The following NTNG1 variants were observed in gnomAD, a reference collection of about 807,000 sequenced individuals.
The protein encoded by NTNG1 is netrin G1, also known as netrin-G1.
NTNG1 carries 16 observed loss-of-function variants against 54.0 expected under a neutral mutation model. The ratio of observed to expected loss-of-function variants is 0.30; its 90% CI spans 0.20 to 0.45. The LOEUF (loss-of-function observed/expected upper bound fraction) is 0.45, where lower values mean the gene tolerates loss of function less well. Among genes scored for constraint, NTNG1 ranks in the 20% least tolerant of loss-of-function variants. The probability of loss-of-function intolerance (pLI) is 1.00; values close to 1 mark genes in which losing one functional copy is unlikely to be tolerated. For missense variants in NTNG1, 530 were observed against 678.7 expected (o/e 0.78, Z 2.43); for synonymous variants, 255 against 263.1 (o/e 0.97, Z 0.30).
At chr1:107,244,862 G>A (rs959120455) in intron 2 of NTNG1, among the ~76,000 whole-genome samples, 5 of 152,172 alleles carry the variant, frequency 3.3e-5, no homozygotes, top group African/African-American at 1.2e-4. Flanking sequence ...TGTCACTTTG[G>A]AGCCTGATAG....
At position 107,325,437 on chromosome 1, in the gene NTNG1, C is replaced by A. The variant is rs558187781; in HGVS notation, c.887+515C>A. ...AGGAAACATTTGTTAAATTGGGACA[C>A]GCTCTACTTTTCATGTTTTTGGATG... On this transcript the variant is annotated intron_variant, in intron 3 of 7. Transcript: ENST00000370068. Among the ~76,000 whole-genome samples, 4 of 152,160 alleles carry A rather than the reference C, an allele frequency of 2.6e-5. No homozygotes were observed. In the South Asian group the frequency reaches 8.3e-4, roughly 32 times the overall value.
At chr1:107,386,070 T>TACAC (rs1272598239) in intron 3 of NTNG1, among the ~76,000 whole-genome samples, 249 of 147,836 alleles carry the variant, frequency 1.7e-3, no homozygotes, top group African/African-American at 5.8e-3. Flanking sequence ...AAACTGTATA[T>TACAC]ATACATATAT....
At chr1:107,446,463 A>G (rs552894156) in intron 7 of NTNG1, among the ~76,000 whole-genome samples, 23 of 152,226 alleles carry the variant, frequency 1.5e-4, no homozygotes, top group African/African-American at 5.3e-4. Flanking sequence ...AAAAAGCTCT[A>G]TTTAGAGACA....
At chr1:107,471,674 T>A (rs904230184) in intron 7 of NTNG1, among the ~76,000 whole-genome samples, 2 of 152,240 alleles carry the variant, frequency 1.3e-5, no homozygotes, top group Admixed American at 6.5e-5. Flanking sequence ...ATGCAGTAGT[T>A]GAATACAAAT....
intron 7 of NTNG1, among the ~76,000 whole-genome samples, chr1:107,462,583 A>T (rs972967745): frequency 6.6e-6 from 1 of 152,236 alleles, no homozygotes; most frequent in African/African-American, 2.4e-5. Context: ...ACCAAATGTG[A>T]TACATTTAAT....
intron 2 of NTNG1, among the ~76,000 whole-genome samples, chr1:107,237,019 G>T (rs1430231684): frequency 1.3e-5 from 2 of 152,178 alleles, no homozygotes; most frequent in African/African-American, 2.4e-5. Flanking sequence ...AACAGGCAGA[G>T]ATTGGAACAG....
At chr1:107,479,260 C>G (rs1269949516) in intron 7 of NTNG1, among the ~76,000 whole-genome samples, 1 of 152,194 alleles carries the variant, frequency 6.6e-6, no homozygotes, top group Admixed American at 6.5e-5. Context: ...CATTGACACA[C>G]AAAGCACTGG....
intron 3 of NTNG1, among the ~76,000 whole-genome samples, chr1:107,340,121 A>G (rs1668814879): frequency 6.6e-6 from 1 of 152,070 alleles, no homozygotes; most frequent in Non-Finnish European, 1.5e-5. Flanking sequence ...ATGTTATCTT[A>G]AACTAAATGA....
chr1:107,405,406 C>T (rs538301356), intron 4 of NTNG1, among the ~76,000 whole-genome samples: 19 of 152,180 alleles, frequency 1.2e-4, no homozygotes, highest in Middle Eastern at 6.8e-3. Context: ...TGAGGAACAG[C>T]CTGAATTTTA....
chr1:107,464,108 T>A (rs750636639), intron 7 of NTNG1, among the ~76,000 whole-genome samples: 17 of 152,158 alleles, frequency 1.1e-4, no homozygotes, highest in Non-Finnish European at 2.2e-4. Flanking sequence ...CCCCTTTAGT[T>A]AACATAAATA....
chr1:107,382,268 A>T (rs1003815729), intron 3 of NTNG1, among the ~76,000 whole-genome samples: 2 of 152,112 alleles, frequency 1.3e-5, no homozygotes, highest in Non-Finnish European at 2.9e-5. Flanking sequence ...AGCCAATGTG[A>T]GACATTTTTC....
chr1:107,386,139 A>G (rs964858486), intron 3 of NTNG1, among the ~76,000 whole-genome samples: 3 of 101,948 alleles, frequency 2.9e-5, no homozygotes, highest in South Asian at 3.6e-4. Flanking sequence ...ATGTATATAT[A>G]TATATGTGTG....
Position 107,419,963 on chromosome 1 carries a change from A to T in NTNG1, c.1088-10787A>T, listed in dbSNP as rs1049675884. ...AATACAGATCAAGCTTGCCCCTATT[A>T]GTATAATTCTAGGAGGATTCAGAAG... is the stretch of plus-strand genomic sequence containing the variant. On this transcript the variant is annotated intron_variant, in intron 5 of 7. Coordinates refer to ENST00000370068, the MANE Select transcript of NTNG1 (RefSeq NM_001113226.3). Among the ~76,000 whole-genome samples, 4 of 152,062 alleles carry T rather than the reference A, an allele frequency of 2.6e-5. No homozygotes were observed. The South Asian group carries it at 8.3e-4, about 32-fold the overall frequency.
chr1:107,194,464 A>T (rs1447066844), intron 2 of NTNG1, among the ~76,000 whole-genome samples: 1 of 152,034 alleles, frequency 6.6e-6, no homozygotes, highest in Non-Finnish European at 1.5e-5. Flanking sequence ...CACAGAGGTG[A>T]ATACTTTGAT....
At chr1:107,336,638 A>G (rs1247344730) in intron 3 of NTNG1, among the ~76,000 whole-genome samples, 1 of 152,026 alleles carries the variant, frequency 6.6e-6, no homozygotes. Context: ...CGTCATCAAA[A>G]TTAACAACTT....
At chr1:107,352,269 T>C (rs1178714300) in intron 3 of NTNG1, among the ~76,000 whole-genome samples, 2 of 152,198 alleles carry the variant, frequency 1.3e-5, no homozygotes, top group Non-Finnish European at 2.9e-5. Context: ...ATTTCCCCTC[T>C]GCACTACCTT....
chr1:107,224,345 C>G (rs1251898409), intron 2 of NTNG1, among the ~76,000 whole-genome samples: 1 of 152,024 alleles, frequency 6.6e-6, no homozygotes, highest in Non-Finnish European at 1.5e-5. Flanking sequence ...ATGAACTGCC[C>G]GAAAATGTTT....
chr1:107,401,246 G>A (rs1347007993), intron 4 of NTNG1, among the ~76,000 whole-genome samples: 1 of 152,088 alleles, frequency 6.6e-6, no homozygotes, highest in African/African-American at 2.4e-5. Context: ...TGCCTGGGTG[G>A]CTTGACTACC....
In NTNG1 at chr1:107,225,629, A is replaced by C. The variant is rs551447770; in HGVS notation, c.246+76790A>C. On this transcript the variant is annotated intron_variant, in intron 2 of 7. Coordinates refer to ENST00000370068, the MANE Select transcript of NTNG1 (RefSeq NM_001113226.3). ...ATATAGATGCTGAACACCTGTTAGC[A>C]GAGAGCATGGCATGAGATAAATAAT... 3.3e-5 allele frequency among the ~76,000 whole-genome samples: 5 copies of C among 152,306 alleles called. No individual in the cohort carries two copies. The South Asian group carries it at 8.3e-4, about 25-fold the overall frequency.
Sources: gnomAD v4.1 joint callset for allele counts (sites outside exome capture counted in the v4.1 genomes callset) on GRCh38, gnomAD v4.1.1 for gene constraint, MANE v1.5 for transcripts, NCBI Gene and HGNC (gene_info 2026-07-23, HGNC 2026-07-21) for gene names.